RELL1: variants seen among roughly 807,000 people sequenced by gnomAD.
RELL1 encodes the protein RELT like 1.
Under a neutral mutation model 23.0 loss-of-function variants are expected in RELL1, and 10 were observed. That is an observed-to-expected ratio of 0.43 (90% confidence interval 0.27 to 0.74). The LOEUF (loss-of-function observed/expected upper bound fraction) is 0.74, where lower values mean the gene tolerates loss of function less well. Ranked by LOEUF, RELL1 falls within the 30% of genes least tolerant of loss-of-function variation. RELL1 has a pLI of 0.19. For synonymous variants in RELL1, 146 were observed against 146.8 expected, an observed-to-expected ratio of 0.99 and a Z score of 0.04; for missense variants, 315 against 364.4, an observed-to-expected ratio of 0.86 and a Z score of 1.10.
intron 1 of RELL1, chr4:37,665,376 T>C (rs1323486624): frequency 2.2e-6 from 1 of 447,660 alleles, no homozygotes; most frequent in Non-Finnish European, 4.5e-6. Flanking sequence ...AAGTTTCCAG[T>C]TTGCAAAGAT....
chr4:37,625,250 G>A (rs1052340166), intron 6 of RELL1, among the ~76,000 whole-genome samples: 1 of 152,194 alleles, frequency 6.6e-6, no homozygotes, highest in African/African-American at 2.4e-5. Flanking sequence ...AAATGCTACT[G>A]TAATACTGCA....
At chr4:37,629,960 GC>G (rs1720066497) in intron 6 of RELL1, among the ~76,000 whole-genome samples, 1 of 152,144 alleles carries the variant, frequency 6.6e-6, no homozygotes, top group South Asian at 2.1e-4. Context: ...CGCCCCTGAG[GC>G]AAAGAGCACC....
intron 6 of RELL1, among the ~76,000 whole-genome samples, chr4:37,600,078 T>A (rs1718974856): frequency 6.6e-6 from 1 of 152,180 alleles, no homozygotes; most frequent in African/African-American, 2.4e-5. Context: ...AAGACCAGCC[T>A]GGCCAACGTG....
chr4:37,644,876 C>G (rs994003139), intron 3 of RELL1, among the ~76,000 whole-genome samples: 4 of 152,136 alleles, frequency 2.6e-5, no homozygotes, highest in African/African-American at 9.7e-5. Context: ...GCCACCTGGA[C>G]AGAGGTACTA....
intron 6 of RELL1, among the ~76,000 whole-genome samples, chr4:37,595,573 A>ACATGGTGTAATAAAGGTATG (rs869226898): frequency 2.2e-5 from 1 of 45,384 alleles, no homozygotes; most frequent in African/African-American, 4.2e-5. Context: ...CTGGATTGTG[A>ACATGGTGTAATAAAGGTATG]CATGGTGTAA....
chr4:37,650,223 C>G (rs1355370190), intron 1 of RELL1, among the ~76,000 whole-genome samples: 6 of 152,172 alleles, frequency 3.9e-5, no homozygotes, highest in Admixed American at 3.9e-4. Flanking sequence ...AGCTTACATT[C>G]TAGGAGGATT....
chr4:37,595,363 A>G (rs1002917301), intron 6 of RELL1, among the ~76,000 whole-genome samples: 14 of 152,230 alleles, frequency 9.2e-5, no homozygotes, highest in Admixed American at 3.3e-4. Context: ...AGTCACTTGG[A>G]GTCAACTATT....
intron 6 of RELL1, among the ~76,000 whole-genome samples, chr4:37,624,617 G>T (rs1719879467): frequency 6.6e-6 from 1 of 151,586 alleles, no homozygotes; most frequent in African/African-American, 2.4e-5. Flanking sequence ...TTTTAGTAGA[G>T]ACGGGGTTTC....
chr4:37,632,084 G>A (rs1164848475), intron 5 of RELL1, among the ~76,000 whole-genome samples: 40 of 44,468 alleles, frequency 9.0e-4, no homozygotes, highest in South Asian at 1.8e-3. Flanking sequence ...TCTCAATAAG[G>A]AAAAAAAAAA....
At chr4:37,608,591 T>TGCAGAAAAAAGGTTGGAAGCC (rs1431174218), downstream of RELL1, among the ~76,000 whole-genome samples, 55 of 151,700 alleles carry the variant, frequency 3.6e-4, no homozygotes, top group African/African-American at 1.3e-3. Flanking sequence ...GGTAGGAAGC[T>TGCAGAAAAAAGGTTGGAAGCC]GCAGAAAAAA....
chr4:37,624,719 G>A (rs543142411), intron 6 of RELL1, among the ~76,000 whole-genome samples: 1 of 152,168 alleles, frequency 6.6e-6, no homozygotes, highest in East Asian at 1.9e-4. Flanking sequence ...GTGAGCCACC[G>A]CGCCCAGCCG....
chr4:37,621,779 G>A (rs1195499920), intron 6 of RELL1, among the ~76,000 whole-genome samples: 1 of 152,198 alleles, frequency 6.6e-6, no homozygotes, highest in Admixed American at 6.5e-5. Flanking sequence ...CCTGCCCAGG[G>A]AGATATGTGT....
intron 3 of RELL1, among the ~76,000 whole-genome samples, chr4:37,645,850 C>A (rs546116536): frequency 6.6e-6 from 1 of 152,342 alleles, no homozygotes; most frequent in South Asian, 2.1e-4. Flanking sequence ...CTCAACCATA[C>A]GAAACTGCTG....
At chr4:37,669,098 G>T (rs1721670439) in intron 1 of RELL1, among the ~76,000 whole-genome samples, 1 of 136,434 alleles carries the variant, frequency 7.3e-6, no homozygotes, top group African/African-American at 3.0e-5. Context: ...CGTCTGGGAG[G>T]TGAGGGGCGC....
chr4:37,601,727 T>C (rs1406591473), intron 6 of RELL1, among the ~76,000 whole-genome samples: 1 of 152,262 alleles, frequency 6.6e-6, no homozygotes, highest in African/African-American at 2.4e-5. Flanking sequence ...AGCTTCACTT[T>C]CCATGTGGCT....
chr4:37,651,193 T>C (rs6825288), intron 1 of RELL1, among the ~76,000 whole-genome samples: 52,617 of 152,104 alleles, frequency 0.35, 9,102 homozygotes, highest in Middle Eastern at 0.38. Context: ...CAGTGGCACA[T>C]GCCTATAATC....
chr4:37,640,606 C>T (rs757468257), intron 3 of RELL1, among the ~76,000 whole-genome samples: 1 of 152,154 alleles, frequency 6.6e-6, no homozygotes, highest in East Asian at 1.9e-4. Context: ...CTCCCCCTCC[C>T]CCATACACTT....
At chr4:37,626,933 A>AT (rs1265772543) in intron 6 of RELL1, among the ~76,000 whole-genome samples, 14 of 152,220 alleles carry the variant, frequency 9.2e-5, no homozygotes, top group African/African-American at 3.4e-4. Context: ...GGGATAAATA[A>AT]TTTCAAGAGA....
intron 1 of RELL1, among the ~76,000 whole-genome samples, chr4:37,651,309 TGAG>T (rs1237233229): frequency 6.6e-6 from 1 of 151,272 alleles, no homozygotes; most frequent in East Asian, 1.9e-4. Flanking sequence ...CATGGAAAAA[TGAG>T]GAGAGAAATA....
Sources: allele counts gnomAD v4.1 joint callset (sites outside exome capture counted in the v4.1 genomes callset), GRCh38; gene constraint gnomAD v4.1.1; transcripts MANE v1.5; gene names NCBI Gene and HGNC (gene_info 2026-07-23, HGNC 2026-07-21).